Variants in CHN1 observed in about 807,000 individuals in gnomAD.
CHN1 encodes chimerin 1, also known as N-chimaerin.
In CHN1, 37 loss-of-function variants were observed where a neutral mutation model predicts 59.5. The ratio of observed to expected loss-of-function variants is 0.62; its 90% confidence interval spans 0.48 to 0.82. CHN1 has a LOEUF of 0.82. Among genes scored for constraint, CHN1 ranks in the 40% least tolerant of loss-of-function variants. The probability of loss-of-function intolerance (pLI) is 0.00; values close to 1 mark genes in which losing one functional copy is unlikely to be tolerated. For missense variants in CHN1, 469 were observed against 571.0 expected (o/e 0.82, Z 1.82); for synonymous variants, 206 against 200.4 (o/e 1.03, Z -0.24).
chr2:174,994,604 A>G (rs965841097), intron 1 of CHN1, among the ~76,000 whole-genome samples: 2 of 152,332 alleles, frequency 1.3e-5, no homozygotes, highest in South Asian at 2.1e-4. Flanking sequence ...GATGGGTAGT[A>G]TAGGGCACTC....
chr2:174,920,351 G>C (rs775313505), intron 3 of CHN1, among the ~76,000 whole-genome samples: 11 of 152,140 alleles, frequency 7.2e-5, no homozygotes, highest in Non-Finnish European at 1.3e-4. Flanking sequence ...ACACCAACTA[G>C]TGAGATTGCA....
At chr2:174,879,564 TAGAC>T (rs979358810) in intron 5 of CHN1, among the ~76,000 whole-genome samples, 11 of 152,182 alleles carry the variant, frequency 7.2e-5, no homozygotes, top group African/African-American at 2.2e-4. Flanking sequence ...CCTAAAAAAT[TAGAC>T]AGGTGAAATT....
intron 8 of CHN1, among the ~76,000 whole-genome samples, chr2:174,824,030 T>G (rs1443458918): frequency 6.6e-6 from 1 of 152,222 alleles, no homozygotes; most frequent in Non-Finnish European, 1.5e-5. Context: ...GCTTAACAAG[T>G]TATCTTTAAA....
chr2:174,935,809 T>C (rs112314217), intron 3 of CHN1, among the ~76,000 whole-genome samples: 143 of 152,136 alleles, frequency 9.4e-4, no homozygotes, highest in Middle Eastern at 3.4e-3. Context: ...GGTGCACACA[T>C]GCAGTCCCAG....
chr2:174,918,483 C>T, intron 4 of CHN1, 51 bp downstream of exon 4: 1 of 1,370,924 alleles, frequency 7.3e-7, no homozygotes, highest in African/African-American at 1.5e-5. Flanking sequence ...TTTACCCTGT[C>T]TGTCTTACAT....
intron 3 of CHN1, among the ~76,000 whole-genome samples, chr2:174,931,410 G>T (rs1262990031): frequency 6.6e-6 from 1 of 152,176 alleles, no homozygotes; most frequent in Non-Finnish European, 1.5e-5. Context: ...CCACTCCTGT[G>T]CCAAACTCAA....
intron 5 of CHN1, among the ~76,000 whole-genome samples, chr2:174,896,563 A>G (rs1263465010): frequency 1.3e-5 from 2 of 152,202 alleles, no homozygotes; most frequent in African/African-American, 4.8e-5. Flanking sequence ...TAACCAATAC[A>G]TGTATTTGTG....
intron 3 of CHN1, among the ~76,000 whole-genome samples, chr2:174,932,280 TC>T (rs1689372505): frequency 6.6e-6 from 1 of 152,184 alleles, no homozygotes; most frequent in Non-Finnish European, 1.5e-5. Flanking sequence ...AAGACAACTG[TC>T]CTACATCCAT....
At position 174,903,561 on chromosome 2, in the gene CHN1, A is replaced by C. The variant is rs979220251; in HGVS notation, c.260+11497T>G. On this transcript the variant is annotated intron_variant, in intron 5 of 12. Coordinates refer to ENST00000409900, the MANE Select transcript of CHN1 (RefSeq NM_001822.7). Reference sequence around the variant, plus strand: ...GTATGTCACGGTGGGAAAGTACTATAATTTATCATTCTAAACACTTTTATT... The same window carrying C: ...GTATGTCACGGTGGGAAAGTACTATCATTTATCATTCTAAACACTTTTATT... Among the ~76,000 whole-genome samples, 12 of 152,322 alleles carry C rather than the reference A, an allele frequency of 7.9e-5. No homozygotes were observed. The East Asian group carries it at 2.3e-3, about 29-fold the overall frequency.
At position 174,875,450 on chromosome 2, in the gene CHN1, A is replaced by C. The variant is rs141857644; in HGVS notation, c.549+2390T>G. Among the ~76,000 whole-genome samples, 122 of 152,280 alleles carry C rather than the reference A, an allele frequency of 8.0e-4. 1 individual carries two copies. In the Middle Eastern group the frequency reaches 0.014, roughly 17 times the overall value. ...TTCTTCTACAATACCTACACTCCTT[A>C]AAGGATCACAGACTAGAAGAACCAC... On this transcript the variant is annotated intron_variant, in intron 6 of 12. Coordinates refer to ENST00000409900, the MANE Select transcript of CHN1 (RefSeq NM_001822.7).
intron 5 of CHN1, among the ~76,000 whole-genome samples, chr2:174,903,810 T>C (rs370973854): frequency 6.6e-6 from 1 of 152,170 alleles, no homozygotes; most frequent in South Asian, 2.1e-4. Flanking sequence ...TTAATTTGGC[T>C]TTTTTCTTTT....
chr2:174,871,920 A>T (rs920235076), intron 6 of CHN1, among the ~76,000 whole-genome samples: 1 of 152,168 alleles, frequency 6.6e-6, no homozygotes, highest in Admixed American at 6.5e-5. Flanking sequence ...TTGATAGGAG[A>T]TAAGTTAGTT....
chr2:174,819,014 C>A (rs776113627), intron 8 of CHN1, among the ~76,000 whole-genome samples: 1 of 151,784 alleles, frequency 6.6e-6, no homozygotes, highest in Non-Finnish European at 1.5e-5. Flanking sequence ...AAACATATCT[C>A]GTTTTTTTTC....
At chr2:174,935,933 T>TA (rs1362018766) in intron 3 of CHN1, among the ~76,000 whole-genome samples, 2 of 152,100 alleles carry the variant, frequency 1.3e-5, no homozygotes, top group Non-Finnish European at 2.9e-5. Context: ...ATTCTGTCTC[T>TA]AAAAAATATA....
chr2:174,968,006 A>AATG (rs146865314), intron 1 of CHN1, among the ~76,000 whole-genome samples: 1,542 of 152,324 alleles, frequency 0.01, 29 homozygotes, highest in African/African-American at 0.035. Flanking sequence ...AGGATTTTCC[A>AATG]ATGAGAGTCA....
At chr2:174,942,661 C>T (rs899666060) in intron 3 of CHN1, among the ~76,000 whole-genome samples, 1 of 152,004 alleles carries the variant, frequency 6.6e-6, no homozygotes, top group African/African-American at 2.4e-5. Flanking sequence ...GCTAATTACC[C>T]TCAATCATTA....
At chr2:174,953,485 G>A (rs1003603677) in intron 1 of CHN1, among the ~76,000 whole-genome samples, 2 of 152,156 alleles carry the variant, frequency 1.3e-5, no homozygotes, top group African/African-American at 4.8e-5. Context: ...AAGTCAAACT[G>A]TTGTTGTTTG....
In CHN1 at chr2:174,802,606, T is replaced by C. The variant is rs375250444; in HGVS notation, c.1103-794A>G. Among the ~76,000 whole-genome samples, 8 of 152,354 alleles carry C rather than the reference T, an allele frequency of 5.3e-5. No individual in the cohort carries two copies. The East Asian group carries it at 1.2e-3, about 22-fold the overall frequency. ...ATGAACAAAAACCCAGCACATTCCT[T>C]TGAGATCAGACTGCATTCAATTCAT... On this transcript the variant is annotated intron_variant, in intron 11 of 12. Coordinates refer to ENST00000409900, the MANE Select transcript of CHN1 (RefSeq NM_001822.7).
chr2:174,816,505 C>T (rs557597678), intron 8 of CHN1, among the ~76,000 whole-genome samples: 7 of 152,212 alleles, frequency 4.6e-5, no homozygotes, highest in African/African-American at 1.7e-4. Flanking sequence ...ACTGCGTTAG[C>T]TAGAAAGAGC....
Sources: gnomAD v4.1 joint callset for allele counts (sites outside exome capture counted in the v4.1 genomes callset) on GRCh38, gnomAD v4.1.1 for gene constraint, MANE v1.5 for transcripts, NCBI Gene and HGNC (gene_info 2026-07-23, HGNC 2026-07-21) for gene names.